Variants in RGS17 observed in about 807,000 individuals in gnomAD.
RGS17 encodes the protein regulator of G-protein signaling 17.
A neutral mutation model predicts 25.5 loss-of-function variants in RGS17; 12 were observed. The ratio of observed to expected loss-of-function variants is 0.47; its 90% confidence interval spans 0.30 to 0.76. The LOEUF (loss-of-function observed/expected upper bound fraction) is 0.76, where lower values mean the gene tolerates loss of function less well. Among genes scored for constraint, RGS17 ranks in the 30% least tolerant of loss-of-function variants. The pLI is 0.07. For missense variants in RGS17, 196 were observed against 242.2 expected, an observed-to-expected ratio of 0.81 and a Z score of 1.27; for synonymous variants, 71 against 76.9, an observed-to-expected ratio of 0.92 and a Z score of 0.40.
chr6:153,116,866 T>C (rs970505685), intron 1 of RGS17, among the ~76,000 whole-genome samples: 7 of 151,434 alleles, frequency 4.6e-5, no homozygotes, highest in Non-Finnish European at 7.4e-5. Flanking sequence ...TAAGTGGGAG[T>C]TGAACAATGA....
chr6:153,023,709 TAA>T (rs1779269671), intron 4 of RGS17, among the ~76,000 whole-genome samples: 1 of 152,192 alleles, frequency 6.6e-6, no homozygotes, highest in Non-Finnish European at 1.5e-5. Context: ...TTCATTTCTG[TAA>T]AGAGTCAATC....
intron 1 of RGS17, among the ~76,000 whole-genome samples, chr6:153,107,124 G>GC (rs1777395994): frequency 6.6e-6 from 1 of 151,428 alleles, no homozygotes; most frequent in African/African-American, 2.4e-5. Context: ...CCTGAGGTCA[G>GC]AAGTTCAAGA....
chr6:153,098,029 CTA>C (rs1777243362), intron 1 of RGS17, among the ~76,000 whole-genome samples: 1 of 152,070 alleles, frequency 6.6e-6, no homozygotes, highest in African/African-American at 2.4e-5. Flanking sequence ...GGGTGAAAAA[CTA>C]TCACTTCCAA....
At chr6:153,045,518 G>T (rs1220155137) in intron 1 of RGS17, among the ~76,000 whole-genome samples, 1 of 152,300 alleles carries the variant, frequency 6.6e-6, no homozygotes, top group South Asian at 2.1e-4. Flanking sequence ...AGATGGCAGG[G>T]AATCCTGAGA....
chr6:153,012,027 CA>C (rs1302979377), intron 4 of RGS17, among the ~76,000 whole-genome samples: 1 of 152,168 alleles, frequency 6.6e-6, no homozygotes, highest in Non-Finnish European at 1.5e-5. Flanking sequence ...GGTTTCTATG[CA>C]TTCATTCAGG....
intron 1 of RGS17, among the ~76,000 whole-genome samples, chr6:153,099,016 C>T (rs993625649): frequency 1.4e-4 from 21 of 151,598 alleles, no homozygotes; most frequent in African/African-American, 5.1e-4. Context: ...CTTGTCCCCC[C>T]GTCCAAAAAA....
chr6:153,026,508 G>T lies in RGS17; in HGVS notation c.155C>A (p.Ala52Glu). 6.2e-7 allele frequency: 1 copy of T among 1,613,176 alleles called. No homozygotes were observed. The highest frequency in any genetic ancestry group is 8.5e-7 in the Non-Finnish European group (1 of 1,179,418). Residue 52 changes from alanine (A) to glutamate (E), a missense_variant, in exon 3 of 5, where the codon GCG becomes GAG. Ala to Glu is a moderately radical substitution (Grantham distance 107). Transcript: ENST00000206262. ...TTTTGTAGTGTGTGTGGGTCTTCCC[G>T]CATTTTCCCCTCTTTCTTCATTCCT... ...TVRNEERGENAGRPTHTTKME... is the reference protein window; with the variant it reads ...TVRNEERGENEGRPTHTTKME...
chr6:153,112,291 T>C (rs149945069), intron 1 of RGS17, among the ~76,000 whole-genome samples: 1,677 of 152,110 alleles, frequency 0.011, 25 homozygotes, highest in African/African-American at 0.038. Context: ...CAAGAATCAA[T>C]AGCCATATTG....
intron 4 of RGS17, among the ~76,000 whole-genome samples, chr6:153,014,669 G>A (rs972161615): frequency 4.0e-5 from 6 of 151,890 alleles, no homozygotes; most frequent in Non-Finnish European, 8.8e-5. Context: ...GTGGTGGTGG[G>A]TGCCTGTAGT....
Position 153,024,340 on chromosome 6 carries a change from CTTCT to C in RGS17, c.362_365del (p.Lys121ArgfsTer7), listed in dbSNP as rs1359736456. ...CTTCAATTACTTTTTTGTTCTGCTC[CTTCT>C]TTAAGTCTTCACAAGCAAGCCAGAA... On this transcript the variant is annotated frameshift_variant, in exon 4 of 5. Coordinates refer to ENST00000206262, the MANE Select transcript of RGS17 (RefSeq NM_012419.5). LOFTEE classifies it high-confidence loss of function. 6.2e-7 allele frequency: 1 copy of C among 1,613,958 alleles called. No individual in the cohort carries two copies. The highest frequency in any genetic ancestry group is 1.3e-5 in the African/African-American group (1 of 74,914).
At chr6:153,022,856 A>G (rs1407388110) in intron 4 of RGS17, among the ~76,000 whole-genome samples, 1 of 152,222 alleles carries the variant, frequency 6.6e-6, no homozygotes, top group Non-Finnish European at 1.5e-5. Context: ...ACAGTGTGAC[A>G]TCAGTAACAA....
intron 1 of RGS17, among the ~76,000 whole-genome samples, chr6:153,100,359 A>G (rs563565600): frequency 6.6e-6 from 1 of 152,176 alleles, no homozygotes; most frequent in Admixed American, 6.5e-5. Context: ...ACTTGTTTAT[A>G]TCCTGACATA....
chr6:153,071,063 G>T (rs1776794617), intron 1 of RGS17, among the ~76,000 whole-genome samples: 2 of 149,848 alleles, frequency 1.3e-5, no homozygotes, highest in Non-Finnish European at 3.0e-5. Flanking sequence ...ATACGCATAT[G>T]TACATATACG....
intron 2 of RGS17, among the ~76,000 whole-genome samples, chr6:153,037,430 C>CT (rs532609053): frequency 0.18 from 25,060 of 142,616 alleles, 2,588 homozygotes; most frequent in African/African-American, 0.3. Context: ...GCATTTTTTA[C>CT]TTTTTTTTTT....
At chr6:153,125,405 A>G (rs567892239) in intron 1 of RGS17, among the ~76,000 whole-genome samples, 2 of 152,356 alleles carry the variant, frequency 1.3e-5, no homozygotes, top group East Asian at 3.9e-4. Flanking sequence ...AAAAGCCTGC[A>G]TATCTAATAA....
chr6:153,098,279 A>G (rs1166391790), intron 1 of RGS17, among the ~76,000 whole-genome samples: 1 of 152,280 alleles, frequency 6.6e-6, no homozygotes, highest in African/African-American at 2.4e-5. Context: ...AGTGGCTTAT[A>G]TAAGGGGAGA....
At chr6:153,121,628 A>C (rs1463401693) in intron 1 of RGS17, among the ~76,000 whole-genome samples, 2 of 152,238 alleles carry the variant, frequency 1.3e-5, no homozygotes, top group Non-Finnish European at 2.9e-5. Flanking sequence ...AATAAAAATA[A>C]AAAGCTTATC....
chr6:153,036,977 A>G (rs1776252906), intron 2 of RGS17, among the ~76,000 whole-genome samples: 1 of 152,040 alleles, frequency 6.6e-6, no homozygotes, highest in Non-Finnish European at 1.5e-5. Flanking sequence ...AAACCCTTCA[A>G]TTGCTTCCCA....
At chr6:153,117,256 T>A (rs909771453) in intron 1 of RGS17, among the ~76,000 whole-genome samples, 15 of 151,110 alleles carry the variant, frequency 9.9e-5, no homozygotes, top group African/African-American at 3.7e-4. Context: ...AGAATGAGAG[T>A]GAAAGGGGAA....
Sources: allele counts gnomAD v4.1 joint callset (sites outside exome capture counted in the v4.1 genomes callset), GRCh38; gene constraint gnomAD v4.1.1; transcripts MANE v1.5; gene names NCBI Gene and HGNC (gene_info 2026-07-23, HGNC 2026-07-21).